The following GALNT18 variants were observed in gnomAD, a reference collection of about 807,000 sequenced individuals.
GALNT18 encodes the protein polypeptide N-acetylgalactosaminyltransferase 18, also known as GalNAc-transferase 18.
A neutral mutation model predicts 69.5 loss-of-function variants in GALNT18; 44 were observed. The observed-to-expected ratio is 0.63, with a 90% CI of 0.50 to 0.81. GALNT18 has a LOEUF of 0.81. GALNT18 is among the 40% of genes least tolerant of loss of function. GALNT18 has a pLI of 0.00. For missense variants in GALNT18, 715 were observed against 810.0 expected, an observed-to-expected ratio of 0.88 and a Z score of 1.42; for synonymous variants, 364 against 318.2, an observed-to-expected ratio of 1.14 and a Z score of -1.53.
At chr11:11,559,493 T>C (rs753888865) in intron 1 of GALNT18, among the ~76,000 whole-genome samples, 2 of 152,182 alleles carry the variant, frequency 1.3e-5, no homozygotes, top group East Asian at 3.8e-4. Flanking sequence ...TACAATCTCA[T>C]GAGTGTTTAA....
intron 9 of GALNT18, among the ~76,000 whole-genome samples, chr11:11,293,485 T>C (rs1340612374): frequency 2.0e-5 from 3 of 151,938 alleles, no homozygotes; most frequent in Admixed American, 6.5e-5. Flanking sequence ...TGGAAAACAT[T>C]GGTCATAACC....
At chr11:11,281,254 G>C (rs1337970909) in intron 10 of GALNT18, among the ~76,000 whole-genome samples, 2 of 152,248 alleles carry the variant, frequency 1.3e-5, no homozygotes, top group South Asian at 2.1e-4. Flanking sequence ...CTGGCGGTTA[G>C]CTGTGTGGCC....
At chr11:11,506,066 G>A (rs1857064951) in intron 1 of GALNT18, among the ~76,000 whole-genome samples, 1 of 152,212 alleles carries the variant, frequency 6.6e-6, no homozygotes, top group African/African-American at 2.4e-5. Flanking sequence ...GGCTGCTTTA[G>A]TCCTCGGGAG....
At chr11:11,375,506 G>T (rs1348106465) in intron 5 of GALNT18, among the ~76,000 whole-genome samples, 1 of 152,186 alleles carries the variant, frequency 6.6e-6, no homozygotes, top group Non-Finnish European at 1.5e-5. Flanking sequence ...CATTCATCAG[G>T]CCTGGGAGCA....
At chr11:11,490,235 ACACACACAC>A (rs1182783986) in intron 1 of GALNT18, among the ~76,000 whole-genome samples, 1 of 5,208 alleles carries the variant, frequency 1.9e-4, no homozygotes, top group African/African-American at 2.9e-4. Flanking sequence ...TCTCTCTCTA[ACACACACAC>A]ACACACACAC....
At chr11:11,335,294 A>G (rs1478894090) in intron 7 of GALNT18, among the ~76,000 whole-genome samples, 1 of 152,210 alleles carries the variant, frequency 6.6e-6, no homozygotes, top group Non-Finnish European at 1.5e-5. Flanking sequence ...TGTTCAGCTT[A>G]TCTTTCTGAA....
intron 1 of GALNT18, among the ~76,000 whole-genome samples, chr11:11,545,223 T>C (rs2133961219): frequency 6.6e-6 from 1 of 152,366 alleles, no homozygotes; most frequent in East Asian, 1.9e-4. Flanking sequence ...CAGCTTCTGC[T>C]TTTTCCAACA....
At chr11:11,482,896 C>G (rs773110066) in intron 1 of GALNT18, among the ~76,000 whole-genome samples, 10 of 152,204 alleles carry the variant, frequency 6.6e-5, no homozygotes, top group Non-Finnish European at 1.3e-4. Flanking sequence ...GGCCCAGCAG[C>G]ATGGGCATCG....
At chr11:11,451,826 C>G (rs952357565) in intron 1 of GALNT18, among the ~76,000 whole-genome samples, 4 of 152,212 alleles carry the variant, frequency 2.6e-5, no homozygotes, top group African/African-American at 9.6e-5. Context: ...AATGTCTAAT[C>G]CAAGGCCACC....
Position 11,619,035 on chromosome 11 carries a change from CCT to C in GALNT18, c.235+2322_235+2323del, listed in dbSNP as rs2133976133. On this transcript the variant is annotated intron_variant, in intron 1 of 10. Coordinates refer to ENST00000227756, the MANE Select transcript of GALNT18 (RefSeq NM_198516.3). The surrounding 1 kb of genome is among the most constrained non-coding windows in gnomAD (Gnocchi z 4.9). ...AGCCCCAAATTTTATAGGCCCTTTACCTCTGTTTCCTAAATCCCAGCTCAGGA... is the reference window on the plus strand; with the variant it reads ...AGCCCCAAATTTTATAGGCCCTTTACCTGTTTCCTAAATCCCAGCTCAGGA... 6.6e-6 allele frequency among the ~76,000 whole-genome samples: 1 copy of C among 152,292 alleles called. No individual in the cohort carries two copies. Among genetic ancestry groups the C allele is most frequent in the Non-Finnish European group, 1.5e-5 (1 of 68,020 alleles).
At chr11:11,355,580 T>C (rs544275189) in intron 6 of GALNT18, among the ~76,000 whole-genome samples, 1 of 152,256 alleles carries the variant, frequency 6.6e-6, no homozygotes, top group East Asian at 1.9e-4. Context: ...TATTATTTAT[T>C]TATATATGCC....
intron 10 of GALNT18, among the ~76,000 whole-genome samples, chr11:11,289,756 G>A (rs1433684698): frequency 6.6e-6 from 1 of 152,164 alleles, no homozygotes; most frequent in Non-Finnish European, 1.5e-5. Context: ...GAAGTGTCTG[G>A]GTGCAGGTCT....
rs1409887018 is a variant in GALNT18, at chr11:11,309,084, A to G, written c.1513-15891T>C. Among the ~76,000 whole-genome samples, 1 of 152,206 alleles carries G rather than the reference A, an allele frequency of 6.6e-6. No individual in the cohort carries two copies. Among genetic ancestry groups the G allele is most frequent in the East Asian group, 1.9e-4 (1 of 5,190 alleles). Reference sequence around the variant, plus strand: ...GGGCCTAATGGAAGGTGTTTGGATCACTGGAGCACTGCCCTCATGAATGGA... The same window carrying G: ...GGGCCTAATGGAAGGTGTTTGGATCGCTGGAGCACTGCCCTCATGAATGGA... On this transcript the variant is annotated intron_variant, in intron 9 of 10. Transcript: ENST00000227756. The surrounding 1 kb of genome is among the most constrained non-coding windows in gnomAD (Gnocchi z 4.6).
At chr11:11,442,119 C>T (rs1387841196) in intron 2 of GALNT18, among the ~76,000 whole-genome samples, 1 of 152,174 alleles carries the variant, frequency 6.6e-6, no homozygotes, top group African/African-American at 2.4e-5. Context: ...CTCAGGAAGA[C>T]CTATTTTCTT....
At chr11:11,554,492 G>A (rs1427223544) in intron 1 of GALNT18, among the ~76,000 whole-genome samples, 2 of 151,976 alleles carry the variant, frequency 1.3e-5, no homozygotes, top group African/African-American at 4.8e-5. Flanking sequence ...AAAAATGAGG[G>A]GGAGGGATGG....
chr11:11,327,232 G>A (rs770385467), intron 8 of GALNT18, 51 bp from the exon 9 acceptor site: 10 of 1,300,676 alleles, frequency 7.7e-6, no homozygotes, highest in Non-Finnish European at 1.1e-5. Context: ...AACAGAGAGA[G>A]CAAATGAATT....
chr11:11,607,739 T>A (rs1469231847), intron 1 of GALNT18, among the ~76,000 whole-genome samples: 2 of 152,166 alleles, frequency 1.3e-5, no homozygotes, highest in Non-Finnish European at 2.9e-5. Flanking sequence ...CAATTTGGTT[T>A]GAAAGTTGAG....
At chr11:11,513,813 G>T (rs186661612) in intron 1 of GALNT18, among the ~76,000 whole-genome samples, 243 of 152,238 alleles carry the variant, frequency 1.6e-3, no homozygotes, top group Admixed American at 4.0e-3. Context: ...TTTTTGTAAA[G>T]CTTTAAAGGT....
intron 10 of GALNT18, among the ~76,000 whole-genome samples, chr11:11,291,967 G>C (rs1345295616): frequency 6.6e-6 from 1 of 152,168 alleles, no homozygotes; most frequent in Non-Finnish European, 1.5e-5. Flanking sequence ...AGAGTAACTG[G>C]ATGCCAGGAT....
Sources: gnomAD v4.1 joint callset for allele counts (sites outside exome capture counted in the v4.1 genomes callset) on GRCh38, gnomAD v4.1.1 for gene constraint, Gnocchi (gnomAD v3.1) non-coding constraint, MANE v1.5 for transcripts, NCBI Gene and HGNC (gene_info 2026-07-23, HGNC 2026-07-21) for gene names.